The following MFSD8 variants were observed in gnomAD, a reference collection of about 807,000 sequenced individuals.
MFSD8 encodes the protein major facilitator superfamily domain-containing protein 8.
Under a neutral mutation model 66.4 loss-of-function variants are expected in MFSD8, and 55 were observed. The observed-to-expected ratio is 0.83, with a 90% CI of 0.67 to 1.04. The LOEUF is 1.04. MFSD8 is among the 50% of genes least tolerant of loss of function. The pLI is 0.00. For synonymous variants in MFSD8, 202 were observed against 212.8 expected (o/e 0.95, Z 0.44); for missense variants, 550 against 627.6 (o/e 0.88, Z 1.32).
chr4:127,965,153 C>G lies in MFSD8; in HGVS notation c.-20G>C. Reference sequence around the variant, plus strand: ...GGCCATAGTTACACTCCCTACAAGGCGTCTTGCGCCCAACTCTCGCGACAC... The same window carrying G: ...GGCCATAGTTACACTCCCTACAAGGGGTCTTGCGCCCAACTCTCGCGACAC... On this transcript the variant is annotated 5_prime_UTR_variant, in exon 1 of 12. Transcript: ENST00000641686. 1 of 1,613,762 alleles carries G rather than the reference C, an allele frequency of 6.2e-7. No individual in the cohort carries two copies. The highest frequency in any genetic ancestry group is 1.1e-5 in the South Asian group (1 of 91,022).
At chr4:127,934,950 TGGGGG>T in intron 7 of MFSD8, among the ~76,000 whole-genome samples, 1 of 28,482 alleles carries the variant, frequency 3.5e-5, no homozygotes, top group African/African-American at 1.3e-4. Flanking sequence ...AGTGGGTGGG[TGGGGG>T]GGCTTTCCTA....
At chr4:127,953,973 G>A (rs1402688655) in intron 2 of MFSD8, among the ~76,000 whole-genome samples, 1 of 152,162 alleles carries the variant, frequency 6.6e-6, no homozygotes, top group Non-Finnish European at 1.5e-5. Flanking sequence ...AAGCAATTTA[G>A]TAAAATGACC....
At chr4:127,945,189 C>T (rs1330443088) in intron 3 of MFSD8, 2 of 152,090 alleles carry the variant, frequency 1.3e-5, no homozygotes, top group East Asian at 3.9e-4. Context: ...TCTAATCTTC[C>T]TATTTAATGG....
chr4:127,933,390 T>C, intron 7 of MFSD8: 1 of 268,758 alleles, frequency 3.7e-6, no homozygotes, highest in South Asian at 4.7e-5. Context: ...GGGCTACAGA[T>C]GTACTACCAC....
At chr4:127,965,443 C>T (rs767885899), upstream of MFSD8, 7 of 523,884 alleles carry the variant, frequency 1.3e-5, no homozygotes, top group Non-Finnish European at 2.4e-5. Flanking sequence ...TTGTCTTCCT[C>T]CCTCCGTTTC....
chr4:127,939,682 C>T (rs1002700084), intron 6 of MFSD8, 171 bp downstream of exon 6: 2 of 290,478 alleles, frequency 6.9e-6, no homozygotes, highest in Non-Finnish European at 1.2e-5. Flanking sequence ...ATCAGGTTGT[C>T]TTTTGGTTGC....
chr4:127,947,634 G>T (rs1741278982), intron 3 of MFSD8, among the ~76,000 whole-genome samples: 1 of 151,366 alleles, frequency 6.6e-6, no homozygotes, highest in Admixed American at 6.6e-5. Flanking sequence ...GGTGACACTG[G>T]AGCAAAACCT....
chr4:127,964,810 G>A, intron 1 of MFSD8: 1 of 589,134 alleles, frequency 1.7e-6, no homozygotes, highest in East Asian at 2.9e-5. Context: ...CAGCTTGGGT[G>A]CTGCAACAGG....
At chr4:127,927,582 A>G (rs1737428092) in intron 9 of MFSD8, among the ~76,000 whole-genome samples, 1 of 152,240 alleles carries the variant, frequency 6.6e-6, no homozygotes, top group Non-Finnish European at 1.5e-5. Flanking sequence ...CTTAAATAGA[A>G]CTGTCTAAAT....
chr4:127,926,151 G>A (rs1737173261), intron 9 of MFSD8, among the ~76,000 whole-genome samples: 1 of 150,984 alleles, frequency 6.6e-6, no homozygotes, highest in Non-Finnish European at 1.5e-5. Context: ...GGGTTGATGG[G>A]TGCAGCAAAC....
Position 127,938,604 on chromosome 4 carries a change from T to A in MFSD8, c.754+179A>T, listed in dbSNP as rs867449323. On this transcript the variant is annotated intron_variant, in intron 7 of 11. Coordinates refer to ENST00000641686, the MANE Select transcript of MFSD8 (RefSeq NM_001371596.2). The stretch of plus-strand genomic sequence containing the variant: ...TCTCAAAAAAAAAAAAATAAATAAA[T>A]AAATAAATAAATAAATAAATAAATA... Among the ~76,000 whole-genome samples the A allele has an allele frequency of 0.021, 2,831 of 137,252 alleles. 146 individuals carry two copies. Among genetic ancestry groups the A allele is most frequent in the African/African-American group, 0.072 (2,546 of 35,286 alleles). The allele number at this position is 137,252 out of a possible 152,430, so 90.0% of individuals were successfully genotyped here. A position where few individuals can be genotyped will look rare whatever the true frequency, so the allele number is the denominator to read the frequency against.
chr4:127,935,506 C>T (rs964556780), intron 7 of MFSD8, among the ~76,000 whole-genome samples: 5 of 152,158 alleles, frequency 3.3e-5, no homozygotes, highest in Admixed American at 1.3e-4. Context: ...ATAATAACCT[C>T]TTTAAATTTG....
In MFSD8 at chr4:127,965,159, G is replaced by A. The variant is rs1339637135; in HGVS notation, c.-26C>T. The A allele has an allele frequency of 6.2e-7, 1 of 1,613,580 alleles. No homozygotes were observed. The highest frequency in any genetic ancestry group is 1.1e-5 in the South Asian group (1 of 90,996). The stretch of plus-strand genomic sequence containing the variant: ...AGTTACACTCCCTACAAGGCGTCTT[G>A]CGCCCAACTCTCGCGACACCTGCTT... On this transcript the variant is annotated 5_prime_UTR_variant, in exon 1 of 12. Coordinates refer to ENST00000641686, the MANE Select transcript of MFSD8 (RefSeq NM_001371596.2).
chr4:127,940,819 G>C (rs1472524746), intron 5 of MFSD8, among the ~76,000 whole-genome samples: 1 of 151,894 alleles, frequency 6.6e-6, no homozygotes, highest in African/African-American at 2.4e-5. Context: ...TGGCTCTATA[G>C]TAATTCACAT....
At chr4:127,958,950 T>G (rs1485476078) in intron 1 of MFSD8, among the ~76,000 whole-genome samples, 2 of 152,202 alleles carry the variant, frequency 1.3e-5, no homozygotes, top group Admixed American at 1.3e-4. Context: ...AACAACTGAC[T>G]GGAAGATTGT....
intron 2 of MFSD8, 92 bp downstream of exon 2, chr4:127,957,409 A>C (rs1743069624): frequency 2.1e-6 from 2 of 943,198 alleles, no homozygotes; most frequent in Admixed American, 4.0e-5. Context: ...CAATAAAGAT[A>C]ATTTCAGAGG....
At chr4:127,958,589 G>A (rs2148976771) in intron 1 of MFSD8, among the ~76,000 whole-genome samples, 1 of 151,946 alleles carries the variant, frequency 6.6e-6, no homozygotes, top group African/African-American at 2.4e-5. Flanking sequence ...CACTATATAT[G>A]TCATTCCATA....
At chr4:127,944,134 G>GTGTTA in intron 3 of MFSD8, 142 bp from the exon 4 acceptor site, 2 of 1,143,086 alleles carry the variant, frequency 1.7e-6, no homozygotes, top group Non-Finnish European at 2.5e-6. Context: ...ATTACTTATA[G>GTGTTA]TAAGGGATTC....
upstream of MFSD8, chr4:127,965,718 A>T (rs1182123211): frequency 2.4e-5 from 4 of 167,040 alleles, no homozygotes; most frequent in African/African-American, 9.6e-5. Context: ...TGGGCGGGAG[A>T]CTCGCGGGTC....
Sources: allele counts gnomAD v4.1 joint callset (sites outside exome capture counted in the v4.1 genomes callset), GRCh38; gene constraint gnomAD v4.1.1; transcripts MANE v1.5; gene names NCBI Gene and HGNC (gene_info 2026-07-23, HGNC 2026-07-21).